The following FNDC3A variants were observed in gnomAD, a reference collection of about 807,000 sequenced individuals.
The protein encoded by FNDC3A is fibronectin type III domain containing 3A, also known as fibronectin type-III domain-containing protein 3A.
In FNDC3A, 32 loss-of-function variants were observed where a neutral mutation model predicts 148.9. The observed-to-expected ratio is 0.21, with a 90% CI of 0.16 to 0.29. The LOEUF (loss-of-function observed/expected upper bound fraction) is 0.29, where lower values mean the gene tolerates loss of function less well. Among genes scored for constraint, FNDC3A ranks in the 10% least tolerant of loss-of-function variants. FNDC3A has a pLI of 1.00. For missense variants in FNDC3A, 1,191 were observed against 1,452.8 expected (o/e 0.82, Z 2.93); for synonymous variants, 472 against 473.6 (o/e 1.00, Z 0.04).
intron 2 of FNDC3A, among the ~76,000 whole-genome samples, chr13:49,032,802 A>G (rs1314736341): frequency 6.6e-6 from 1 of 152,182 alleles, no homozygotes; most frequent in African/African-American, 2.4e-5. Flanking sequence ...TTACTGTGGT[A>G]GTGATTGTAC....
Position 49,066,674 on chromosome 13 carries a change from C to CT in FNDC3A, c.100-8604dup, listed in dbSNP as rs1012452704. ...TCAGAGATACTTCAAAGCTTATATTCTTTTTTTTTTTAACAACATTCTTTT... is the reference window on the plus strand; with the variant it reads ...TCAGAGATACTTCAAAGCTTATATTCTTTTTTTTTTTTAACAACATTCTTTT... On this transcript the variant is annotated intron_variant, in intron 2 of 25. Transcript: ENST00000492622. Among the ~76,000 whole-genome samples the CT allele has an allele frequency of 1.0e-3, 145 of 144,710 alleles. 1 individual carries two copies. The highest frequency in any genetic ancestry group is 3.2e-3 in the East Asian group (16 of 5,006). 94.9% of individuals were successfully genotyped at this position (144,710 alleles called of 152,430 possible).
chr13:49,175,511 T>C lies in FNDC3A; in HGVS notation c.1500T>C (p.Ser500=), dbSNP rs1227273484. 3.1e-6 allele frequency: 5 copies of C among 1,609,772 alleles called. No individual in the cohort carries two copies. The highest frequency in any genetic ancestry group is 1.7e-5 in the Admixed American group (1 of 59,252). The part of the protein sequence containing the change: ...PSGTPSDEGI[S]YILEMEEETS... The stretch of plus-strand genomic sequence containing the variant: ...GAACACCATCAGATGAAGGAATTTC[T>C]TACATTTTAGAGATGGAGGAAGAAA... Residue 500 remains serine (S), a synonymous_variant, in exon 13 of 26, where the codon TCT becomes TCC. Coordinates refer to ENST00000492622, the MANE Select transcript of FNDC3A (RefSeq NM_001079673.2).
rs1566280593 is a variant in FNDC3A, at chr13:49,144,035, A to AC, written c.820-1743_820-1742insC. On this transcript the variant is annotated intron_variant, in intron 7 of 25. Transcript: ENST00000492622. ...ACTGCTACTACTACTACTACTACTA[A>AC]TAATAATAATAATAATAAAGTAGAT... Among the ~76,000 whole-genome samples the AC allele has an allele frequency of 1.1e-3, 159 of 145,552 alleles. 1 individual carries two copies. The highest frequency in any genetic ancestry group is 2.8e-3 in the East Asian group (14 of 5,006).
chr13:49,201,392 A>G (rs1047152961), intron 23 of FNDC3A, among the ~76,000 whole-genome samples: 3 of 152,168 alleles, frequency 2.0e-5, no homozygotes, highest in Non-Finnish European at 4.4e-5. Context: ...TCAGGTCTCT[A>G]TGCCATACTT....
intron 6 of FNDC3A, among the ~76,000 whole-genome samples, chr13:49,137,651 A>G (rs1293008342): frequency 6.6e-6 from 1 of 152,176 alleles, no homozygotes; most frequent in Non-Finnish European, 1.5e-5. Context: ...GACTTTGAGC[A>G]CTATTATTTG....
At position 49,208,845 on chromosome 13, in the gene FNDC3A, A is replaced by G. The variant is rs988494271; in HGVS notation, c.*1450A>G. On this transcript the variant is annotated 3_prime_UTR_variant, in exon 26 of 26. Coordinates refer to ENST00000492622, the MANE Select transcript of FNDC3A (RefSeq NM_001079673.2). ...GAGGTTGGCATTTTAGTGATTATTA[A>G]GCACTTCTGTCAGTCTTTGAAAAAA... 2.6e-5 allele frequency: 4 copies of G among 152,600 alleles called. No homozygotes were observed. The South Asian group carries it at 8.3e-4, about 32-fold the overall frequency. 9.5% of individuals were successfully genotyped at this position (152,600 alleles called of 1,614,324 possible).
intron 2 of FNDC3A, among the ~76,000 whole-genome samples, chr13:49,054,009 G>A (rs1876046521): frequency 6.6e-6 from 1 of 152,180 alleles, no homozygotes; most frequent in South Asian, 2.1e-4. Context: ...TCTTGTTTCT[G>A]CAAAGAGTCT....
chr13:49,088,478 G>A (rs1017605574), intron 3 of FNDC3A, among the ~76,000 whole-genome samples: 1 of 152,138 alleles, frequency 6.6e-6, no homozygotes, highest in Non-Finnish European at 1.5e-5. Flanking sequence ...CTTCTAGATT[G>A]AATGATTGTT....
intron 8 of FNDC3A, among the ~76,000 whole-genome samples, chr13:49,158,443 C>G (rs907536822): frequency 6.6e-6 from 1 of 152,212 alleles, no homozygotes; most frequent in Non-Finnish European, 1.5e-5. Context: ...TGAGATGAAC[C>G]CGGTACCTCA....
intron 1 of FNDC3A, among the ~76,000 whole-genome samples, chr13:48,998,845 C>T (rs574584197): frequency 3.9e-4 from 60 of 152,196 alleles, no homozygotes; most frequent in Admixed American, 2.7e-3. Context: ...CCATCTCAAC[C>T]GAAGCCAGGA....
chr13:49,074,544 A>G (rs1007625100), intron 2 of FNDC3A, among the ~76,000 whole-genome samples: 1 of 152,186 alleles, frequency 6.6e-6, no homozygotes, highest in African/African-American at 2.4e-5. Flanking sequence ...TAAATTCCTT[A>G]AGTTAGGGGA....
At position 49,081,544 on chromosome 13, in the gene FNDC3A, A is replaced by G. The variant is rs566819836; in HGVS notation, c.175+6180A>G. Among the ~76,000 whole-genome samples the G allele has an allele frequency of 2.6e-5, 4 of 152,318 alleles. No individual in the cohort carries two copies. The East Asian group carries it at 5.8e-4, about 22-fold the overall frequency. On this transcript the variant is annotated intron_variant, in intron 3 of 25. Transcript: ENST00000492622. ...ATAGTGTGTGTCCGTGTGTATACAC[A>G]TCATGTAGGACTTAGAACATAATTT...
At chr13:49,078,551 C>T (rs1878268592) in intron 3 of FNDC3A, among the ~76,000 whole-genome samples, 1 of 152,178 alleles carries the variant, frequency 6.6e-6, no homozygotes, top group Non-Finnish European at 1.5e-5. Context: ...AGGCTCTCCC[C>T]TCTTTATGTT....
chr13:49,049,353 C>G (rs1047962162), intron 2 of FNDC3A, among the ~76,000 whole-genome samples: 1 of 152,094 alleles, frequency 6.6e-6, no homozygotes, highest in African/African-American at 2.4e-5. Context: ...CCCCCTTTCT[C>G]TTTCTTTTGG....
chr13:49,171,807 A>T (rs916183765), intron 10 of FNDC3A, among the ~76,000 whole-genome samples: 2 of 152,212 alleles, frequency 1.3e-5, no homozygotes, highest in Admixed American at 1.3e-4. Flanking sequence ...AGTTCTTGCT[A>T]AAAGAGATTG....
chr13:49,135,966 A>G (rs1417282457), intron 5 of FNDC3A, among the ~76,000 whole-genome samples: 1 of 152,158 alleles, frequency 6.6e-6, no homozygotes, highest in East Asian at 1.9e-4. Flanking sequence ...AGATGTGAAA[A>G]GTAATAGTTA....
chr13:49,132,106 T>C (rs1222406533), intron 5 of FNDC3A, among the ~76,000 whole-genome samples: 1 of 152,214 alleles, frequency 6.6e-6, no homozygotes, highest in Non-Finnish European at 1.5e-5. Context: ...TTTCTCCTTT[T>C]CCAACCCTTA....
chr13:49,178,613 A>G lies in FNDC3A; in HGVS notation c.1576A>G (p.Thr526Ala). 3.8e-6 allele frequency: 6 copies of G among 1,586,186 alleles called. No individual in the cohort carries two copies. The highest frequency in any genetic ancestry group is 1.8e-5 in the Admixed American group (1 of 54,330). The change falls in exon 14 of 26, where the codon ACA becomes GCA. Residue 526 changes from threonine (T) to alanine (A), a missense_variant. By Grantham distance (58) the Thr-to-Ala change is moderately conservative (BLOSUM62 0). Around this residue, in one of 3 missense-constraint regions of FNDC3A, gnomAD observed 751 missense variants for 944.0 expected, o/e 0.80. Transcript: ENST00000492622. ...ATATGATGGAGAAGATCTTGCTTACACAGTGAAAAATCTCAGACGTAGTAC... is the reference window on the plus strand; with the variant it reads ...ATATGATGGAGAAGATCTTGCTTACGCAGTGAAAAATCTCAGACGTAGTAC... ...PKYDGEDLAY[T>A]VKNLRRSTKY...
chr13:49,044,060 T>G, intron 2 of FNDC3A: 1 of 165,730 alleles, frequency 6.0e-6, no homozygotes, highest in Admixed American at 6.0e-5. Flanking sequence ...TGCATTCTAA[T>G]TAGCAGACTG....
Sources: gnomAD v4.1 joint callset for allele counts (sites outside exome capture counted in the v4.1 genomes callset) on GRCh38, gnomAD v4.1.1 for gene constraint, gnomAD v4.1.1 regional missense constraint, MANE v1.5 for transcripts, NCBI Gene and HGNC (gene_info 2026-07-23, HGNC 2026-07-21) for gene names.